PUM2: variants seen among roughly 807,000 people sequenced by gnomAD.
PUM2 encodes the protein pumilio homolog 2.
A neutral mutation model predicts 124.5 loss-of-function variants in PUM2; 57 were observed. That is an observed-to-expected ratio of 0.46 (90% CI 0.37 to 0.57). PUM2 has a LOEUF of 0.57. PUM2 is among the 20% of genes least tolerant of loss of function. The probability of loss-of-function intolerance (pLI) is 0.00; values close to 1 mark genes in which losing one functional copy is unlikely to be tolerated. For missense variants in PUM2, 1,065 were observed against 1,290.6 expected (o/e 0.83, Z 2.68); for synonymous variants, 460 against 446.1 (o/e 1.03, Z -0.39).
chr2:20,251,462 C>A lies in PUM2; in HGVS notation c.*123G>T. ...AAATTTACAAATGGATGAATAAAGT[C>A]AATAAATAGTTTTGCTTTAAAAAAA... On this transcript the variant is annotated 3_prime_UTR_variant, in exon 21 of 21. Transcript: ENST00000361078. 1 of 1,211,878 alleles carries A rather than the reference C, an allele frequency of 8.3e-7. No individual in the cohort carries two copies. Among genetic ancestry groups the A allele is most frequent in the East Asian group, 2.5e-5 (1 of 40,414 alleles). The allele number at this position is 1,211,878 out of a possible 1,614,324, so 75.1% of individuals were successfully genotyped here.
intron 1 of PUM2, among the ~76,000 whole-genome samples, chr2:20,328,729 A>G (rs1684243293): frequency 1.3e-5 from 2 of 152,254 alleles, no homozygotes; most frequent in African/African-American, 2.4e-5. Flanking sequence ...AGAAAGGGTC[A>G]GTGAACTTGA....
At chr2:20,300,301 C>T (rs535894952) in intron 7 of PUM2, among the ~76,000 whole-genome samples, 2 of 152,262 alleles carry the variant, frequency 1.3e-5, no homozygotes, top group Admixed American at 6.5e-5. Flanking sequence ...AGGCATGCGC[C>T]GCCACGCCTG....
intron 15 of PUM2, 134 bp from the exon 16 acceptor site, chr2:20,258,505 T>A: frequency 2.8e-6 from 2 of 717,744 alleles, no homozygotes; most frequent in Non-Finnish European, 4.2e-6. Flanking sequence ...AGAAGCTAAT[T>A]AAGATAGACT....
chr2:20,298,248 A>C (rs1380854871), intron 7 of PUM2, among the ~76,000 whole-genome samples: 1 of 150,992 alleles, frequency 6.6e-6, no homozygotes, highest in Non-Finnish European at 1.5e-5. Context: ...GAGTAAAATG[A>C]ATGAGGTATA....
At chr2:20,270,549 T>A (rs201180664) in intron 13 of PUM2, among the ~76,000 whole-genome samples, 2 of 81,120 alleles carry the variant, frequency 2.5e-5, no homozygotes, top group African/African-American at 6.8e-5. Flanking sequence ...AAAAAACAAA[T>A]AAACACACAC....
At chr2:20,338,380 G>C (rs546486959) in intron 1 of PUM2, among the ~76,000 whole-genome samples, 1 of 152,276 alleles carries the variant, frequency 6.6e-6, no homozygotes, top group East Asian at 1.9e-4. Context: ...CTGGGCGACA[G>C]AGCAAGACTC....
At position 20,350,840 on chromosome 2, in the gene PUM2, CCCCT is replaced by C; in HGVS notation, c.-266_-263del. On this transcript the variant is annotated 5_prime_UTR_variant, in exon 1 of 21. Transcript: ENST00000361078. Reference sequence around the variant, plus strand: ...CATGGCTGCCACCGCCGCCTGCCCTCCCCTCCCCCCCGCCCACCGGGCGCGCGCA... The same window carrying C: ...CATGGCTGCCACCGCCGCCTGCCCTCCCCCCCCGCCCACCGGGCGCGCGCA... The C allele has an allele frequency of 1.0e-6, 1 of 954,936 alleles. No individual in the cohort carries two copies. The highest frequency in any genetic ancestry group is 1.2e-6 in the Non-Finnish European group (1 of 803,048). 59.2% of individuals were successfully genotyped at this position (954,936 alleles called of 1,614,324 possible). A position where few individuals can be genotyped will look rare whatever the true frequency, so the allele number is the denominator to read the frequency against.
Position 20,249,023 on chromosome 2 carries a change from T to G in PUM2, c.*2562A>C, listed in dbSNP as rs1662652234. 1 of 152,210 alleles carries G rather than the reference T, an allele frequency of 6.6e-6. No individual in the cohort carries two copies. The highest frequency in any genetic ancestry group is 2.1e-4 in the South Asian group (1 of 4,834). The allele number at this position is 152,210 out of a possible 1,614,324, so 9.4% of individuals were successfully genotyped here. The stretch of plus-strand genomic sequence containing the variant: ...CACCCAAAATGGCAGACTGTAAAAT[T>G]TCTACAAGAACAGGTACTTTTGTAG... On this transcript the variant is annotated 3_prime_UTR_variant, in exon 21 of 21. Coordinates refer to ENST00000361078, the MANE Select transcript of PUM2 (RefSeq NM_015317.5).
chr2:20,313,911 G>A (rs1481283092), intron 3 of PUM2, among the ~76,000 whole-genome samples: 5 of 151,044 alleles, frequency 3.3e-5, no homozygotes, highest in African/African-American at 1.2e-4. Flanking sequence ...GACAGACTGA[G>A]GCGGGTGGAC....
intron 7 of PUM2, among the ~76,000 whole-genome samples, chr2:20,303,785 T>C (rs1261043395): frequency 1.3e-5 from 2 of 152,230 alleles, no homozygotes; most frequent in Non-Finnish European, 2.9e-5. Context: ...GCAGCTCACC[T>C]AGAACTATTT....
chr2:20,255,081 G>A, intron 18 of PUM2, 97 bp from the exon 19 acceptor site: 1 of 1,486,268 alleles, frequency 6.7e-7, no homozygotes. Flanking sequence ...AATCCAGTAG[G>A]ATAGTTAGGA....
In PUM2 at chr2:20,249,268, A is replaced by G. The variant is rs1009710316; in HGVS notation, c.*2317T>C. On this transcript the variant is annotated 3_prime_UTR_variant, in exon 21 of 21. Transcript: ENST00000361078. ...ACAGGAAAGCCATTACCAATCTCCAACATGACAGCTTTGATCCTGAAACCA... is the reference window on the plus strand; with the variant it reads ...ACAGGAAAGCCATTACCAATCTCCAGCATGACAGCTTTGATCCTGAAACCA... 3 of 152,356 alleles carry G rather than the reference A, an allele frequency of 2.0e-5. No individual in the cohort carries two copies. The highest frequency in any genetic ancestry group is 7.2e-5 in the African/African-American group (3 of 41,474). The allele number at this position is 152,356 out of a possible 1,614,324, so 9.4% of individuals were successfully genotyped here.
intron 5 of PUM2, among the ~76,000 whole-genome samples, chr2:20,310,176 T>A (rs1173653696): frequency 4.6e-5 from 7 of 152,110 alleles, no homozygotes; most frequent in Non-Finnish European, 8.8e-5. Context: ...AGCTGTTGAT[T>A]GTGTTAACAC....
At chr2:20,290,833 T>C (rs952782640) in intron 9 of PUM2, 43 bp from the exon 10 acceptor site, 4 of 1,426,080 alleles carry the variant, frequency 2.8e-6, no homozygotes, top group African/African-American at 1.5e-5. Flanking sequence ...TATAAAATAA[T>C]AGATAAGTAA....
intron 2 of PUM2, among the ~76,000 whole-genome samples, chr2:20,319,264 C>T: frequency 6.6e-6 from 1 of 152,218 alleles, no homozygotes; most frequent in Non-Finnish European, 1.5e-5. Flanking sequence ...TCACTGATTA[C>T]TCAAAATGAA....
intron 7 of PUM2, among the ~76,000 whole-genome samples, chr2:20,298,850 A>G (rs1403004680): frequency 6.6e-6 from 1 of 152,182 alleles, no homozygotes; most frequent in Non-Finnish European, 1.5e-5. Flanking sequence ...GAATAATAAC[A>G]ATAACAACAA....
Position 20,250,314 on chromosome 2 carries a change from T to C in PUM2, c.*1271A>G, listed in dbSNP as rs1318156372. 1 of 152,476 alleles carries C rather than the reference T, an allele frequency of 6.6e-6. No homozygotes were observed. The highest frequency in any genetic ancestry group is 1.5e-5 in the Non-Finnish European group (1 of 68,012). The allele number at this position is 152,476 out of a possible 1,614,324, so 9.4% of individuals were successfully genotyped here. A position where few individuals can be genotyped will look rare whatever the true frequency, so the allele number is the denominator to read the frequency against. ...ATAAAAAATTTTTAAAAAATCACTCTCGATTTGGAGAAATAAATTTACATT... is the reference window on the plus strand; with the variant it reads ...ATAAAAAATTTTTAAAAAATCACTCCCGATTTGGAGAAATAAATTTACATT... On this transcript the variant is annotated 3_prime_UTR_variant, in exon 21 of 21. Coordinates refer to ENST00000361078, the MANE Select transcript of PUM2 (RefSeq NM_015317.5).
At chr2:20,263,873 A>G (rs745561617) in intron 13 of PUM2, among the ~76,000 whole-genome samples, 1 of 152,160 alleles carries the variant, frequency 6.6e-6, no homozygotes, top group Non-Finnish European at 1.5e-5. Flanking sequence ...TTAACACAAT[A>G]ACATTGAATG....
intron 13 of PUM2, among the ~76,000 whole-genome samples, chr2:20,267,623 AC>A (rs1260097164): frequency 6.6e-6 from 1 of 152,156 alleles, no homozygotes; most frequent in African/African-American, 2.4e-5. Flanking sequence ...TTCAGTCCCC[AC>A]TATCATTCAT....
Sources: allele counts gnomAD v4.1 joint callset (sites outside exome capture counted in the v4.1 genomes callset), GRCh38; gene constraint gnomAD v4.1.1; transcripts MANE v1.5; gene names NCBI Gene and HGNC (gene_info 2026-07-23, HGNC 2026-07-21).